The following SIK2 variants were observed in gnomAD, a reference collection of about 807,000 sequenced individuals.
The protein encoded by SIK2 is serine/threonine-protein kinase SIK2.
In SIK2, 29 loss-of-function variants were observed where a neutral mutation model predicts 103.2. The observed-to-expected ratio is 0.28, with a 90% CI of 0.21 to 0.38. SIK2 has a LOEUF of 0.38. SIK2 is among the 10% of genes least tolerant of loss of function. SIK2 has a pLI of 1.00. For missense variants in SIK2, 879 were observed against 1,171.0 expected, an observed-to-expected ratio of 0.75 and a Z score of 3.64; for synonymous variants, 412 against 446.1, an observed-to-expected ratio of 0.92 and a Z score of 0.96.
intron 3 of SIK2, among the ~76,000 whole-genome samples, chr11:111,631,121 G>A (rs1942031798): frequency 6.6e-6 from 1 of 152,166 alleles, no homozygotes; most frequent in Admixed American, 6.5e-5. Flanking sequence ...GTGTGCATTG[G>A]TGCAGTTACA....
chr11:111,697,402 C>T (rs145671412), intron 4 of SIK2, among the ~76,000 whole-genome samples: 1 of 152,152 alleles, frequency 6.6e-6, no homozygotes, highest in East Asian at 1.9e-4. Flanking sequence ...TCCCTGCTCC[C>T]GAGGAACTTA....
intron 1 of SIK2, among the ~76,000 whole-genome samples, chr11:111,606,501 T>A (rs538471455): frequency 6.6e-6 from 1 of 152,234 alleles, no homozygotes; most frequent in South Asian, 2.1e-4. Flanking sequence ...CTAGGCGTTT[T>A]GTTTATTATA....
intron 3 of SIK2, among the ~76,000 whole-genome samples, chr11:111,644,237 C>T (rs1439031508): frequency 1.4e-5 from 2 of 143,258 alleles, no homozygotes; most frequent in African/African-American, 5.2e-5. Context: ...TGTGGTGAGC[C>T]GAGATCACGC....
intron 3 of SIK2, among the ~76,000 whole-genome samples, chr11:111,621,684 G>T (rs950000247): frequency 2.0e-5 from 3 of 152,092 alleles, no homozygotes; most frequent in Non-Finnish European, 4.4e-5. Context: ...GGAGGTCAAG[G>T]TGGGTGGATC....
chr11:111,703,151 C>T (rs140354282), intron 6 of SIK2, 52 bp from the exon 7 acceptor site: 498 of 1,547,128 alleles, frequency 3.2e-4, no homozygotes, highest in Admixed American at 4.4e-4. Flanking sequence ...AGCAAATAAC[C>T]CTGAAGTGCA....
rs943222788 is a variant in SIK2, at chr11:111,690,278, T to C, written c.478+2116T>C. 1.0e-3 allele frequency among the ~76,000 whole-genome samples: 157 copies of C among 151,088 alleles called. 3 individuals are homozygous for C. The highest frequency in any genetic ancestry group is 3.1e-4 in the Non-Finnish European group (21 of 67,742). On this transcript the variant is annotated intron_variant, in intron 4 of 14. Transcript: ENST00000304987. Reference sequence around the variant, plus strand: ...TTTTTCAGAGAAGGTCTTTCTTTTTTTTTTTTTTTTTAAGTCCTTAGCTCT... The same window carrying C: ...TTTTTCAGAGAAGGTCTTTCTTTTTCTTTTTTTTTTTAAGTCCTTAGCTCT...
At chr11:111,709,904 C>T (rs780710342) in intron 8 of SIK2, among the ~76,000 whole-genome samples, 2 of 152,186 alleles carry the variant, frequency 1.3e-5, no homozygotes, top group African/African-American at 2.4e-5. Context: ...GGCACAGCAC[C>T]GTCTGGCCAT....
At chr11:111,628,920 G>GTT (rs1392539518) in intron 3 of SIK2, among the ~76,000 whole-genome samples, 1 of 152,108 alleles carries the variant, frequency 6.6e-6, no homozygotes, top group Non-Finnish European at 1.5e-5. Context: ...GAAACCTTAA[G>GTT]TATTAGGAGT....
chr11:111,626,778 C>T (rs1183879589), intron 3 of SIK2, among the ~76,000 whole-genome samples: 1 of 151,506 alleles, frequency 6.6e-6, no homozygotes, highest in Non-Finnish European at 1.5e-5. Flanking sequence ...GATTAATGCT[C>T]AGTGTACTGT....
chr11:111,675,533 C>T (rs951583390), intron 3 of SIK2, among the ~76,000 whole-genome samples: 6 of 152,294 alleles, frequency 3.9e-5, no homozygotes, highest in Non-Finnish European at 8.8e-5. Context: ...AGTGACTTCA[C>T]GATGTCATTA....
chr11:111,687,931 A>G (rs1942868916), intron 3 of SIK2, 70 bp from the exon 4 acceptor site: 7 of 1,554,870 alleles, frequency 4.5e-6, no homozygotes, highest in Non-Finnish European at 6.1e-6. Context: ...GAGGAAAAAA[A>G]TTTCCTGACT....
intron 3 of SIK2, among the ~76,000 whole-genome samples, chr11:111,629,956 A>G (rs188402664): frequency 6.6e-5 from 10 of 152,300 alleles, no homozygotes; most frequent in Admixed American, 5.2e-4. Context: ...CAACAATTCA[A>G]TTCCTAGGTA....
rs893999197 is a variant in SIK2, at chr11:111,722,514, C to A, written c.2056-151C>A. 5.1e-5 allele frequency: 36 copies of A among 709,772 alleles called. No homozygotes were observed. In the South Asian group the frequency reaches 5.1e-4, roughly 10 times the overall value. The allele number at this position is 709,772 out of a possible 1,614,324, so 44.0% of individuals were successfully genotyped here. On this transcript the variant is annotated intron_variant, in intron 13 of 14. Transcript: ENST00000304987. This position sits in a 1 kb window ranked among gnomAD's most constrained non-coding sequence, Gnocchi z 4.4. ...CAGGCCTGCGGGCCCGATGCTCTTTCAGGGTCTCAGGGAGTAAATGTCAGT... is the reference window on the plus strand; with the variant it reads ...CAGGCCTGCGGGCCCGATGCTCTTTAAGGGTCTCAGGGAGTAAATGTCAGT...
chr11:111,693,362 G>A (rs1353985039), intron 4 of SIK2, among the ~76,000 whole-genome samples: 1 of 151,524 alleles, frequency 6.6e-6, no homozygotes, highest in Non-Finnish European at 1.5e-5. Flanking sequence ...AGACACTAAT[G>A]AGCCATGGAT....
chr11:111,634,746 A>G (rs929834481), intron 3 of SIK2, among the ~76,000 whole-genome samples: 4 of 152,180 alleles, frequency 2.6e-5, no homozygotes, highest in African/African-American at 7.2e-5. Context: ...GTTAGTGTGG[A>G]ATTGGTATAA....
chr11:111,669,884 A>G (rs1942601306), intron 3 of SIK2, among the ~76,000 whole-genome samples: 1 of 152,104 alleles, frequency 6.6e-6, no homozygotes, highest in African/African-American at 2.4e-5. Context: ...CTCCTAAAGT[A>G]TCTTTTCTAC....
chr11:111,700,748 C>A, intron 4 of SIK2, 138 bp from the exon 5 acceptor site: 1 of 1,013,424 alleles, frequency 9.9e-7, no homozygotes, highest in Non-Finnish European at 1.4e-6. Flanking sequence ...GGAAACATCA[C>A]AAGATAAGAT....
At position 111,703,171 on chromosome 11, in the gene SIK2, T is replaced by C; in HGVS notation, c.728-32T>C. 4 of 1,600,420 alleles carry C rather than the reference T, an allele frequency of 2.5e-6. No homozygotes were observed. In the South Asian group the frequency reaches 4.4e-5, roughly 18 times the overall value. ...ATAACCCTGAAGTGCAAGGTGATTC[T>C]TGTGACTTTTGTAACATTGTGTTTT... is the stretch of plus-strand genomic sequence containing the variant. On this transcript the variant is annotated intron_variant, in intron 6 of 14. Coordinates refer to ENST00000304987, the MANE Select transcript of SIK2 (RefSeq NM_015191.3).
intron 3 of SIK2, among the ~76,000 whole-genome samples, chr11:111,645,559 G>A (rs188282660): frequency 6.6e-6 from 1 of 152,320 alleles, no homozygotes; most frequent in East Asian, 1.9e-4. Context: ...AGTGGCTTAT[G>A]CCTGTAATCC....
Sources: gnomAD v4.1 joint callset for allele counts (sites outside exome capture counted in the v4.1 genomes callset) on GRCh38, gnomAD v4.1.1 for gene constraint, Gnocchi (gnomAD v3.1) non-coding constraint, MANE v1.5 for transcripts, NCBI Gene and HGNC (gene_info 2026-07-23, HGNC 2026-07-21) for gene names.